COL16A1: variants seen among roughly 807,000 people sequenced by gnomAD.
COL16A1 encodes collagen type XVI alpha 1 chain, also known as collagen alpha-1(XVI) chain.
A neutral mutation model predicts 266.3 loss-of-function variants in COL16A1; 189 were observed. The observed-to-expected ratio is 0.71, with a 90% CI of 0.63 to 0.80. The LOEUF (loss-of-function observed/expected upper bound fraction) is 0.80, where lower values mean the gene tolerates loss of function less well. Ranked by LOEUF, COL16A1 falls within the 30% of genes least tolerant of loss-of-function variation. The pLI is 0.00. For missense variants in COL16A1, 1,928 were observed against 2,122.4 expected (o/e 0.91, Z 1.80); for synonymous variants, 740 against 782.3 (o/e 0.95, Z 0.90).
chr1:31,681,112 G>T (rs761971968), intron 37 of COL16A1, 45 bp from the exon 38 acceptor site: 2 of 1,577,464 alleles, frequency 1.3e-6, no homozygotes, highest in Non-Finnish European at 1.7e-6. Context: ...CTGGGCAGCG[G>T]CCAGCCATCT....
rs1237976119 is a variant in COL16A1 at position 31,693,245 on chromosome 1, TC to T, written c.1009-92del. On this transcript the variant is annotated intron_variant, in intron 12 of 70. Transcript: ENST00000373672. ...CCCCACTTCTGGCCCCCTCCACCCATCCCCCCACACACGGGTACGCAAATAC... is the reference window on the plus strand; with the variant it reads ...CCCCACTTCTGGCCCCCTCCACCCATCCCCCACACACGGGTACGCAAATAC... The T allele has an allele frequency of 6.7e-6, 5 of 746,012 alleles. No homozygotes were observed. In the African/African-American group the frequency reaches 6.8e-5, roughly 10 times the overall value. The allele number at this position is 746,012 out of a possible 1,614,324, so 46.2% of individuals were successfully genotyped here.
In COL16A1 at chr1:31,656,931, T is replaced by A; in HGVS notation, c.4056+102A>T. The A allele has an allele frequency of 3.9e-6, 6 of 1,520,838 alleles. No homozygotes were observed. The South Asian group carries it at 6.7e-5, about 17-fold the overall frequency. The allele number at this position is 1,520,838 out of a possible 1,614,324, so 94.2% of individuals were successfully genotyped here. A position where few individuals can be genotyped will look rare whatever the true frequency, so the allele number is the denominator to read the frequency against. ...GTTAACAATTTCCAGAGACAGCCCGTACATAGAAGGAATGTTTACTGAAAA... is the reference window on the plus strand; with the variant it reads ...GTTAACAATTTCCAGAGACAGCCCGAACATAGAAGGAATGTTTACTGAAAA... On this transcript the variant is annotated intron_variant, in intron 65 of 70. Coordinates refer to ENST00000373672, the MANE Select transcript of COL16A1 (RefSeq NM_001856.4). This position sits in a 1 kb window ranked among gnomAD's most constrained non-coding sequence, Gnocchi z 4.2.
chr1:31,694,542 A>G (rs1258530500), intron 11 of COL16A1, among the ~76,000 whole-genome samples: 25 of 152,166 alleles, frequency 1.6e-4, no homozygotes, highest in Non-Finnish European at 1.2e-4. Context: ...GGTACTCCTG[A>G]TGTCCCCCAA....
chr1:31,661,618 G>C, intron 59 of COL16A1, 42 bp downstream of exon 59: 1 of 1,613,770 alleles, frequency 6.2e-7, no homozygotes, highest in Non-Finnish European at 8.5e-7. Flanking sequence ...GGCAGAAGCT[G>C]CAACTTCGCA....
At chr1:31,667,540 A>T (rs988150528) in intron 52 of COL16A1, 35 bp downstream of exon 52, 44 of 1,559,704 alleles carry the variant, frequency 2.8e-5, no homozygotes, top group Non-Finnish European at 3.7e-5. Flanking sequence ...CTCCACGTGC[A>T]GCCCTGCATC....
Position 31,665,165 on chromosome 1 carries a change from T to C in COL16A1, c.3555+7A>G. ...CTGTGACTTTGCCAACCCAGGGTCC[T>C]GCTCACCTTCTCTGCTTGAGGGCCA... On this transcript the variant is annotated splice_region_variant and intron_variant, in intron 56 of 70. Coordinates refer to ENST00000373672, the MANE Select transcript of COL16A1 (RefSeq NM_001856.4). The C allele has an allele frequency of 6.2e-7, 1 of 1,607,246 alleles. No individual in the cohort carries two copies. The highest frequency in any genetic ancestry group is 2.2e-5 in the East Asian group (1 of 44,736).
At chr1:31,696,898 G>C in intron 8 of COL16A1, 65 bp downstream of exon 8, 2 of 1,604,320 alleles carry the variant, frequency 1.2e-6, no homozygotes, top group East Asian at 2.2e-5. Flanking sequence ...ACGTCAGTCA[G>C]CTCAGGGGAG....
In COL16A1 at chr1:31,657,427, C is replaced by G. The variant is rs1392707641; in HGVS notation, c.4021-359G>C. On this transcript the variant is annotated intron_variant, in intron 64 of 70. Transcript: ENST00000373672. This position sits in a 1 kb window ranked among gnomAD's most constrained non-coding sequence, Gnocchi z 6.4. ...CACATGAACAGCCTGAGCCGGCCCC[C>G]TCCCTGAGACCAGCAAGGCAGCCTC... The G allele has an allele frequency of 4.2e-6, 1 of 240,832 alleles. No individual in the cohort carries two copies. Among genetic ancestry groups the G allele is most frequent in the Non-Finnish European group, 8.1e-6 (1 of 123,688 alleles). The allele number at this position is 240,832 out of a possible 1,614,324, so 14.9% of individuals were successfully genotyped here. A position where few individuals can be genotyped will look rare whatever the true frequency, so the allele number is the denominator to read the frequency against.
intron 20 of COL16A1, among the ~76,000 whole-genome samples, 181 bp downstream of exon 20, chr1:31,691,007 G>A (rs1644236775): frequency 6.6e-6 from 1 of 152,048 alleles, no homozygotes; most frequent in Admixed American, 6.5e-5. Flanking sequence ...AGTGAGCACT[G>A]GGATGGGGAC....
intron 44 of COL16A1, among the ~76,000 whole-genome samples, chr1:31,674,561 T>G (rs1046200240): frequency 2.0e-5 from 3 of 152,280 alleles, no homozygotes; most frequent in East Asian, 1.9e-4. Context: ...CAAATCCATC[T>G]CCTCCCTGGA....
rs376257427 is a variant in COL16A1 at position 31,662,670 on chromosome 1, C to T, written c.3556-12G>A. ...ATCCCTTCGCTGCCCTGGAAACCAGCGCCGCCCCCCCCCCCCGCCCCACAA... is the reference window on the plus strand; with the variant it reads ...ATCCCTTCGCTGCCCTGGAAACCAGTGCCGCCCCCCCCCCCCGCCCCACAA... On this transcript the variant is annotated splice_polypyrimidine_tract_variant and intron_variant, in intron 56 of 70. Transcript: ENST00000373672. 57 of 1,444,096 alleles carry T rather than the reference C, an allele frequency of 3.9e-5. No individual in the cohort carries two copies. The highest frequency in any genetic ancestry group is 7.5e-5 in the African/African-American group (5 of 66,760). The allele number at this position is 1,444,096 out of a possible 1,614,324, so 89.5% of individuals were successfully genotyped here.
At chr1:31,701,470 T>C (rs1198400306) in intron 2 of COL16A1, 2 of 985,322 alleles carry the variant, frequency 2.0e-6, no homozygotes, top group Non-Finnish European at 2.4e-6. Context: ...GTTCTGTTCC[T>C]GCTTGGCGAA....
intron 53 of COL16A1, 27 bp downstream of exon 53, chr1:31,666,010 C>T (rs1642110134): frequency 6.2e-7 from 1 of 1,613,244 alleles, no homozygotes. Flanking sequence ...ACCAGGACCA[C>T]ATCTCCCCAT....
In COL16A1 at chr1:31,653,324, A is replaced by C; in HGVS notation, c.4612+275T>G. The C allele has an allele frequency of 1.0e-5, 4 of 385,118 alleles. No homozygotes were observed. In the South Asian group the frequency reaches 1.7e-4, roughly 16 times the overall value. 23.9% of individuals were successfully genotyped at this position (385,118 alleles called of 1,614,324 possible). A position where few individuals can be genotyped will look rare whatever the true frequency, so the allele number is the denominator to read the frequency against. On this transcript the variant is annotated intron_variant, in intron 70 of 70. Transcript: ENST00000373672. ...TACAGCCAGTGAGGTGCTGAGTAGA[A>C]CTTGAACTCGAGTTCCTCATCCCCA...
At chr1:31,669,500 C>G (rs1392981543) in intron 49 of COL16A1, among the ~76,000 whole-genome samples, 1 of 152,012 alleles carries the variant, frequency 6.6e-6, no homozygotes, top group African/African-American at 2.4e-5. Context: ...ATTAAGGGCA[C>G]CTTTCCTGCC....
In COL16A1 at chr1:31,665,515, C is replaced by G. The variant is rs376118863; in HGVS notation, c.3492+68G>C. Reference sequence around the variant, plus strand: ...CAGGACCATCCTACCCCAGCCTGGCCTGGTCAGGCCTGCCCCTCCCGATGA... The same window carrying G: ...CAGGACCATCCTACCCCAGCCTGGCGTGGTCAGGCCTGCCCCTCCCGATGA... On this transcript the variant is annotated intron_variant, in intron 55 of 70. Coordinates refer to ENST00000373672, the MANE Select transcript of COL16A1 (RefSeq NM_001856.4). 97 of 1,613,448 alleles carry G rather than the reference C, an allele frequency of 6.0e-5. No homozygotes were observed. In the East Asian group the frequency reaches 8.9e-4, roughly 15 times the overall value.
In COL16A1 at chr1:31,688,705, G is replaced by T. The variant is rs775075178; in HGVS notation, c.1767+156C>A. On this transcript the variant is annotated intron_variant, in intron 25 of 70. Coordinates refer to ENST00000373672, the MANE Select transcript of COL16A1 (RefSeq NM_001856.4). This position sits in a 1 kb window ranked among gnomAD's most constrained non-coding sequence, Gnocchi z 4.9. Reference sequence around the variant, plus strand: ...GGCAAGGAGCCTGGGGCAGCACAGGGACGGAGGGAGGGACCAGGAGACAGG... The same window carrying T: ...GGCAAGGAGCCTGGGGCAGCACAGGTACGGAGGGAGGGACCAGGAGACAGG... 2 of 1,053,004 alleles carry T rather than the reference G, an allele frequency of 1.9e-6. No individual in the cohort carries two copies. The highest frequency in any genetic ancestry group is 2.8e-6 in the Non-Finnish European group (2 of 711,656). The allele number at this position is 1,053,004 out of a possible 1,614,324, so 65.2% of individuals were successfully genotyped here. A position where few individuals can be genotyped will look rare whatever the true frequency, so the allele number is the denominator to read the frequency against.
intron 17 of COL16A1, 126 bp from the exon 18 acceptor site, chr1:31,691,768 G>A: frequency 7.8e-7 from 1 of 1,284,454 alleles, no homozygotes; most frequent in Non-Finnish European, 1.1e-6. Flanking sequence ...CCACCCTGGT[G>A]CCCCAAGGTC....
Position 31,688,955 on chromosome 1 carries a change from G to T in COL16A1, c.1673C>A (p.Ser558Tyr). 6.2e-7 allele frequency: 1 copy of T among 1,614,182 alleles called. No homozygotes were observed. The highest frequency in any genetic ancestry group is 8.5e-7 in the Non-Finnish European group (1 of 1,180,016). Residue 558 changes from serine (S) to tyrosine (Y), a missense_variant, in exon 25 of 71, where the codon TCC becomes TAC. Around this residue, in one of 2 missense-constraint regions of COL16A1, gnomAD observed 1,552 missense variants for 1,637.2 expected, o/e 0.95. Transcript: ENST00000373672. The surrounding 1 kb of genome is among the most constrained non-coding windows in gnomAD (Gnocchi z 4.9). Reference protein sequence around the residue: ...IKGEKGEPCLSCSSVVGAQHL... With the variant: ...IKGEKGEPCLYCSSVVGAQHL... ...CTGGGCCCCTACAACCGAGCTGCAG[G>T]ACAAGCAGGGCTCCCCCTGGGGAAA...
Sources: allele counts gnomAD v4.1 joint callset (sites outside exome capture counted in the v4.1 genomes callset), GRCh38; gene constraint gnomAD v4.1.1; regional missense constraint gnomAD v4.1.1; non-coding constraint Gnocchi (gnomAD v3.1); transcripts MANE v1.5; gene names NCBI Gene and HGNC (gene_info 2026-07-23, HGNC 2026-07-21).